Variants in KIF26B observed in about 807,000 individuals in gnomAD.
The protein encoded by KIF26B is kinesin family member 26B.
KIF26B carries 63 observed loss-of-function variants against 151.2 expected under a neutral mutation model. The observed-to-expected ratio is 0.42, with a 90% CI of 0.34 to 0.51. KIF26B has a LOEUF of 0.51. Among genes scored for constraint, KIF26B ranks in the 20% least tolerant of loss-of-function variants. KIF26B has a pLI of 0.07. For synonymous variants in KIF26B, 1,357 were observed against 1,262.1 expected, an observed-to-expected ratio of 1.08 and a Z score of -1.59; for missense variants, 2,813 against 2,913.6, an observed-to-expected ratio of 0.97 and a Z score of 0.79.
intron 3 of KIF26B, among the ~76,000 whole-genome samples, chr1:245,406,052 T>A (rs914755315): frequency 2.0e-5 from 3 of 152,202 alleles, no homozygotes; most frequent in African/African-American, 7.2e-5. Context: ...AGTCGGGGCA[T>A]TTTTTAGAGA....
intron 9 of KIF26B, among the ~76,000 whole-genome samples, chr1:245,619,603 C>CAAA (rs34022501): frequency 4.1e-4 from 45 of 110,750 alleles, no homozygotes; most frequent in Admixed American, 6.2e-4. Flanking sequence ...GAAACTGTTT[C>CAAA]AAAAAAAAAA....
chr1:245,390,943 A>AAAAAAAAAAAAACAAAACAAAACAAAAC (rs1553270131), intron 3 of KIF26B, among the ~76,000 whole-genome samples: 2 of 118,412 alleles, frequency 1.7e-5, no homozygotes, highest in African/African-American at 8.2e-5. Flanking sequence ...AAAAAAAAAA[A>AAAAAAAAAAAAACAAAACAAAACAAAAC]AAAAAAAAAC....
chr1:245,162,511 G>A (rs913517416), intron 2 of KIF26B, among the ~76,000 whole-genome samples: 11 of 147,794 alleles, frequency 7.4e-5, no homozygotes, highest in Non-Finnish European at 1.6e-4. Flanking sequence ...TCAGCCTCCC[G>A]AGTAGCTGGG....
At chr1:245,181,565 G>A (rs1007263995) in intron 2 of KIF26B, among the ~76,000 whole-genome samples, 2 of 151,694 alleles carry the variant, frequency 1.3e-5, no homozygotes, top group Admixed American at 1.3e-4. Context: ...TATAGCCCAG[G>A]CAAAAATAAA....
chr1:245,520,384 A>G (rs1661065252), intron 4 of KIF26B, among the ~76,000 whole-genome samples: 1 of 152,256 alleles, frequency 6.6e-6, no homozygotes, highest in Admixed American at 6.5e-5. Flanking sequence ...TGGAACAATT[A>G]TTACAATGAA....
intron 5 of KIF26B, among the ~76,000 whole-genome samples, chr1:245,555,677 A>G (rs1044262071): frequency 2.0e-5 from 3 of 152,170 alleles, no homozygotes; most frequent in Non-Finnish European, 4.4e-5. Context: ...GTTTGTAGGA[A>G]GTGTCAGTGA....
At chr1:245,669,164 G>T (rs2044252978) in intron 10 of KIF26B, among the ~76,000 whole-genome samples, 1 of 152,160 alleles carries the variant, frequency 6.6e-6, no homozygotes, top group Non-Finnish European at 1.5e-5. Context: ...GCCAATGACT[G>T]GTTAGCAGTC....
intron 2 of KIF26B, among the ~76,000 whole-genome samples, chr1:245,262,904 A>G (rs1173322570): frequency 6.6e-6 from 1 of 152,232 alleles, no homozygotes; most frequent in African/African-American, 2.4e-5. Flanking sequence ...ACCAGTGTTT[A>G]GGGTTTAGTT....
intron 10 of KIF26B, among the ~76,000 whole-genome samples, chr1:245,656,230 GA>G (rs60653592): frequency 0.6 from 91,144 of 151,968 alleles, 27,788 homozygotes; most frequent in African/African-American, 0.67. Context: ...ACTAAGGGAA[GA>G]AGGGGTCGGG....
chr1:245,393,521 C>T (rs974700533), intron 3 of KIF26B, among the ~76,000 whole-genome samples: 3 of 152,020 alleles, frequency 2.0e-5, no homozygotes, highest in African/African-American at 7.3e-5. Context: ...ATTTGGTGAT[C>T]CTTGGCTGAC....
At chr1:245,424,940 G>A (rs560372556) in intron 4 of KIF26B, among the ~76,000 whole-genome samples, 6 of 116,224 alleles carry the variant, frequency 5.2e-5, no homozygotes, top group East Asian at 4.0e-4. Context: ...TTTTTTTTTC[G>A]AGAAAAGACA....
chr1:245,333,093 G>A (rs1038769052), intron 2 of KIF26B, among the ~76,000 whole-genome samples: 1 of 152,152 alleles, frequency 6.6e-6, no homozygotes, highest in African/African-American at 2.4e-5. Context: ...CGGAGACAGT[G>A]TGGCTGGATT....
intron 4 of KIF26B, among the ~76,000 whole-genome samples, chr1:245,484,767 ATAT>A (rs771748723): frequency 1.0e-3 from 138 of 134,226 alleles, no homozygotes; most frequent in South Asian, 6.1e-3. Flanking sequence ...CTTCTTCTTC[ATAT>A]TATTATTATT....
intron 2 of KIF26B, among the ~76,000 whole-genome samples, chr1:245,188,510 T>C (rs1573697240): frequency 6.6e-6 from 1 of 152,210 alleles, no homozygotes; most frequent in South Asian, 2.1e-4. Context: ...CCTCTGTGCT[T>C]TGCAAACTGA....
intron 4 of KIF26B, among the ~76,000 whole-genome samples, chr1:245,472,022 C>A (rs568018387): frequency 2.6e-5 from 4 of 152,274 alleles, no homozygotes; most frequent in African/African-American, 9.6e-5. Context: ...AAGCTCCTGA[C>A]CTCAGATGAT....
chr1:245,387,985 G>C (rs1673594146), intron 3 of KIF26B, among the ~76,000 whole-genome samples: 1 of 152,156 alleles, frequency 6.6e-6, no homozygotes, highest in Admixed American at 6.5e-5. Flanking sequence ...GGCCAGAATA[G>C]GCCATTTTGA....
At chr1:245,190,501 G>A (rs1669083724) in intron 2 of KIF26B, among the ~76,000 whole-genome samples, 1 of 151,996 alleles carries the variant, frequency 6.6e-6, no homozygotes, top group Non-Finnish European at 1.5e-5. Flanking sequence ...CACTTGCACT[G>A]GAAACAGCTT....
intron 4 of KIF26B, among the ~76,000 whole-genome samples, chr1:245,537,252 T>C (rs892736243): frequency 6.6e-6 from 1 of 152,082 alleles, no homozygotes; most frequent in African/African-American, 2.4e-5. Flanking sequence ...GGCCCTGAGA[T>C]GGGGATTGGA....
In KIF26B at chr1:245,301,111, G is replaced by A. The variant is rs767610083; in HGVS notation, c.466-65723G>A. Reference sequence around the variant, plus strand: ...CTCCTGAAGTGCTGGGATTAGAGGCGTGAGCCACCACGCTCGGCCGAGGCA... The same window carrying A: ...CTCCTGAAGTGCTGGGATTAGAGGCATGAGCCACCACGCTCGGCCGAGGCA... On this transcript the variant is annotated intron_variant, in intron 2 of 14. Coordinates refer to ENST00000407071, the MANE Select transcript of KIF26B (RefSeq NM_018012.4). Among the ~76,000 whole-genome samples, 181 of 152,330 alleles carry A rather than the reference G, an allele frequency of 1.2e-3. 2 individuals carry two copies. Among genetic ancestry groups the A allele is most frequent in the Non-Finnish European group, 4.6e-4 (31 of 68,026 alleles).
Sources: gnomAD v4.1 joint callset for allele counts (sites outside exome capture counted in the v4.1 genomes callset) on GRCh38, gnomAD v4.1.1 for gene constraint, MANE v1.5 for transcripts, NCBI Gene and HGNC (gene_info 2026-07-23, HGNC 2026-07-21) for gene names.